SLC22A4: variants seen among roughly 807,000 people sequenced by gnomAD.
SLC22A4 encodes ET transporter.
In SLC22A4, 39 loss-of-function variants were observed where a neutral mutation model predicts 56.6. The observed-to-expected ratio is 0.69, with a 90% CI of 0.53 to 0.90. SLC22A4 has a LOEUF of 0.90. SLC22A4 is among the 40% of genes least tolerant of loss of function. The pLI is 0.00. For synonymous variants in SLC22A4, 241 were observed against 281.4 expected, an observed-to-expected ratio of 0.86 and a Z score of 1.44; for missense variants, 594 against 696.5, an observed-to-expected ratio of 0.85 and a Z score of 1.66.
At position 132,331,842 on chromosome 5, in the gene SLC22A4, G is replaced by A. The variant is rs1396025871; in HGVS notation, c.1038G>A (p.Leu346=). The change falls in exon 6 of 10, where the codon TTG becomes TTA. Residue 346 remains leucine (L), a synonymous_variant. Coordinates refer to ENST00000200652, the MANE Select transcript of SLC22A4 (RefSeq NM_003059.3). ...TTGCCATAATGACCATTATGTCTTT[G>A]CTGCTATGGTAAGTAATAAGTGACC... ...RNIAIMTIMS[L]LLWMLTSVGY... is the part of the protein sequence containing the mutation. 1 of 1,602,360 alleles carries A rather than the reference G, an allele frequency of 6.2e-7. No homozygotes were observed. The highest frequency in any genetic ancestry group is 1.3e-5 in the African/African-American group (1 of 74,706).
intron 3 of SLC22A4, among the ~76,000 whole-genome samples, chr5:132,321,209 C>T (rs1005985793): frequency 3.9e-5 from 6 of 152,188 alleles, no homozygotes; most frequent in South Asian, 2.1e-4. Flanking sequence ...AGCAGAACAG[C>T]GCCTGCTTTT....
chr5:132,331,663 G>T (rs11568507), intron 5 of SLC22A4, 93 bp from the exon 6 acceptor site: 9,786 of 870,450 alleles, frequency 0.011, 151 homozygotes, highest in African/African-American at 0.064. Flanking sequence ...TGAAGTGAGA[G>T]TTGCATGCAT....
intron 3 of SLC22A4, among the ~76,000 whole-genome samples, chr5:132,314,205 CAG>C (rs1263333805): frequency 1.3e-5 from 2 of 152,136 alleles, no homozygotes; most frequent in African/African-American, 2.4e-5. Flanking sequence ...TCATGTCAGA[CAG>C]GGGGAGTTCA....
At position 132,312,223 on chromosome 5, in the gene SLC22A4, C is replaced by G. The variant is rs201822770; in HGVS notation, c.456C>G (p.Gly152=). 6.2e-7 allele frequency: 1 copy of G among 1,613,790 alleles called. No homozygotes were observed. The highest frequency in any genetic ancestry group is 1.3e-5 in the African/African-American group (1 of 75,036). The part of the protein sequence containing the change: ...VPLTTSLFFV[G]VLLGSFVSGQ... ...TCACCACCTCCCTGTTCTTCGTAGG[C>G]GTGCTCCTCGGCTCCTTCGTGTCCG... Residue 152 remains glycine, a synonymous_variant, in exon 2 of 10, where the codon GGC becomes GGG. Transcript: ENST00000200652.
chr5:132,304,193 G>A (rs182315950), intron 1 of SLC22A4, among the ~76,000 whole-genome samples: 51 of 152,350 alleles, frequency 3.3e-4, no homozygotes, highest in African/African-American at 1.2e-3. Flanking sequence ...CTGCAAAGAG[G>A]CTTGACGTCA....
At chr5:132,320,182 C>T (rs931673055) in intron 3 of SLC22A4, among the ~76,000 whole-genome samples, 1 of 152,172 alleles carries the variant, frequency 6.6e-6, no homozygotes, top group Admixed American at 6.5e-5. Flanking sequence ...TGGTCTGAGA[C>T]CCATGCTTAG....
chr5:132,334,859 C>T lies in SLC22A4; in HGVS notation c.1188C>T (p.Pro396=). The part of the protein sequence containing the change: ...ITAWLLLRTL[P]RRYIIAAVLF... ...CCTGGCTGCTATTGCGAACCCTGCC[C>T]AGGCGTTATATCATAGCTGCAGTAC... Residue 396 remains proline, a synonymous_variant, in exon 7 of 10, where the codon CCC becomes CCT. Transcript: ENST00000200652. The T allele has an allele frequency of 6.2e-7, 1 of 1,613,886 alleles. No homozygotes were observed. Among genetic ancestry groups the T allele is most frequent in the Non-Finnish European group, 8.5e-7 (1 of 1,179,764 alleles).
At chr5:132,326,140 C>G (rs1277907581) in intron 4 of SLC22A4, among the ~76,000 whole-genome samples, 1 of 152,192 alleles carries the variant, frequency 6.6e-6, no homozygotes, top group Non-Finnish European at 1.5e-5. Context: ...CTGTTTTCTT[C>G]CACCTCCAGT....
rs1449107752 is a variant in SLC22A4, at chr5:132,318,546, T to C, written c.653-3638T>C. On this transcript the variant is annotated intron_variant, in intron 3 of 9. Coordinates refer to ENST00000200652, the MANE Select transcript of SLC22A4 (RefSeq NM_003059.3). ...CTACTGAGAGCCTATGTTGGTCATTTATGAAGGTGCATGTCCTGCCTCTGT... is the reference window on the plus strand; with the variant it reads ...CTACTGAGAGCCTATGTTGGTCATTCATGAAGGTGCATGTCCTGCCTCTGT... Among the ~76,000 whole-genome samples, 4 of 152,126 alleles carry C rather than the reference T, an allele frequency of 2.6e-5. No homozygotes were observed. The South Asian group carries it at 6.2e-4, about 24-fold the overall frequency.
At chr5:132,329,929 A>G (rs973174189) in intron 5 of SLC22A4, among the ~76,000 whole-genome samples, 1 of 152,200 alleles carries the variant, frequency 6.6e-6, no homozygotes, top group African/African-American at 2.4e-5. Context: ...GGCAACCTGC[A>G]TTTAAGAAGG....
rs965812237 is a variant in SLC22A4 at position 132,334,940 on chromosome 5, G to A, written c.1261+8G>A. On this transcript the variant is annotated splice_region_variant and intron_variant, in intron 7 of 9. Transcript: ENST00000200652. ...TTCAACTGGTACCTGTGGGTAAGAA[G>A]TTAACCAAGATGAACAGCTTACCAG... The A allele has an allele frequency of 1.3e-6, 2 of 1,595,794 alleles. No individual in the cohort carries two copies. The highest frequency in any genetic ancestry group is 1.7e-5 in the Admixed American group (1 of 59,964).
intron 5 of SLC22A4, among the ~76,000 whole-genome samples, chr5:132,331,205 C>T (rs747625270): frequency 5.9e-5 from 9 of 151,894 alleles, no homozygotes; most frequent in Non-Finnish European, 1.0e-4. Context: ...CGGTGGTGCT[C>T]GCCTGTAATC....
chr5:132,307,447 G>C (rs1750067700), intron 1 of SLC22A4, among the ~76,000 whole-genome samples: 2 of 152,132 alleles, frequency 1.3e-5, no homozygotes, highest in African/African-American at 4.8e-5. Context: ...TAATGGACTG[G>C]AATAATTTTT....
At chr5:132,336,098 T>C in intron 8 of SLC22A4, 98 bp downstream of exon 8, 2 of 1,278,782 alleles carry the variant, frequency 1.6e-6, no homozygotes, top group South Asian at 2.4e-5. Flanking sequence ...TAGAATGTAC[T>C]GGAAAAAAGT....
intron 3 of SLC22A4, among the ~76,000 whole-genome samples, chr5:132,314,983 A>AAGG (rs1444017172): frequency 6.6e-5 from 10 of 152,068 alleles, no homozygotes; most frequent in African/African-American, 2.2e-4. Flanking sequence ...CTGCAGGGGG[A>AAGG]AGGAGCGGGG....
At chr5:132,306,055 G>T (rs896158629) in intron 1 of SLC22A4, among the ~76,000 whole-genome samples, 3 of 152,156 alleles carry the variant, frequency 2.0e-5, no homozygotes, top group Non-Finnish European at 4.4e-5. Flanking sequence ...CCACTACAAT[G>T]ACTAAAATTA....
In SLC22A4 at chr5:132,294,982, C is replaced by T; in HGVS notation, c.366C>T (p.Asp122=). 1 of 1,607,470 alleles carries T rather than the reference C, an allele frequency of 6.2e-7. No homozygotes were observed. Reference sequence around the variant, plus strand: ...TGGATGGCTGGGAGTTCAGCCAGGACGTCTACCTGTCCACCGTCGTGACCG... The same window carrying T: ...TGGATGGCTGGGAGTTCAGCCAGGATGTCTACCTGTCCACCGTCGTGACCG... The part of the protein sequence containing the change: ...SCLDGWEFSQ[D]VYLSTVVTEW... Residue 122 remains aspartate (D), a synonymous_variant, in exon 1 of 10, where the codon GAC becomes GAT. Transcript: ENST00000200652. The surrounding 1 kb of genome is among the most constrained non-coding windows in gnomAD (Gnocchi z 5.6).
At chr5:132,297,590 C>T (rs1359760702) in intron 1 of SLC22A4, among the ~76,000 whole-genome samples, 1 of 151,720 alleles carries the variant, frequency 6.6e-6, no homozygotes, top group Non-Finnish European at 1.5e-5. Context: ...AAAAGAGGCT[C>T]AACATCACTA....
At chr5:132,309,781 A>G (rs1256611489) in intron 1 of SLC22A4, among the ~76,000 whole-genome samples, 5 of 152,272 alleles carry the variant, frequency 3.3e-5, no homozygotes, top group African/African-American at 1.2e-4. Flanking sequence ...TTAAGTAGCC[A>G]GTTCCCAGTC....
Sources: gnomAD v4.1 joint callset for allele counts (sites outside exome capture counted in the v4.1 genomes callset) on GRCh38, gnomAD v4.1.1 for gene constraint, Gnocchi (gnomAD v3.1) non-coding constraint, MANE v1.5 for transcripts, NCBI Gene and HGNC (gene_info 2026-07-23, HGNC 2026-07-21) for gene names.